PAX2: variants seen among roughly 807,000 people sequenced by gnomAD.
The protein encoded by PAX2 is paired box protein Pax-2.
In PAX2, 9 loss-of-function variants were observed where a neutral mutation model predicts 41.7. The ratio of observed to expected loss-of-function variants is 0.22; its 90% CI spans 0.13 to 0.38. PAX2 has a LOEUF of 0.38. Among genes scored for constraint, PAX2 ranks in the 10% least tolerant of loss-of-function variants. The pLI, the probability that PAX2 is intolerant of heterozygous loss-of-function variation, is 1.00. For synonymous variants in PAX2, 221 were observed against 212.7 expected (o/e 1.04, Z -0.34); for missense variants, 418 against 531.6 (o/e 0.79, Z 2.10).
Position 100,824,661 on chromosome 10 carries a change from G to C in PAX2, c.933G>C (p.Ala311=), listed in dbSNP as rs755809967. ...GTGTTTTTCCAGGTCGTGACATGGC[G>C]AGCACCACTCTGCCTGGTTACCCCC... ...TYPVVTGRDM[A]STTLPGYPPH... is the part of the protein sequence containing the mutation. Residue 311 remains alanine, a synonymous_variant, in exon 8 of 10, where the codon GCG becomes GCC. Transcript: ENST00000355243. This position sits in a 1 kb window ranked among gnomAD's most constrained non-coding sequence, Gnocchi z 6.6. 2 of 1,608,700 alleles carry C rather than the reference G, an allele frequency of 1.2e-6. No homozygotes were observed. Among genetic ancestry groups the C allele is most frequent in the Non-Finnish European group, 8.5e-7 (1 of 1,175,122 alleles).
At chr10:100,737,556 G>A (rs1047535636) in intron 1 of PAX2, among the ~76,000 whole-genome samples, 23 of 152,264 alleles carry the variant, frequency 1.5e-4, no homozygotes, top group Non-Finnish European at 2.2e-4. Flanking sequence ...GGGAGCTGCG[G>A]AGCTGGGCAG....
At position 100,793,842 on chromosome 10, in the gene PAX2, G is replaced by C. The variant is rs78822498; in HGVS notation, c.616+12477G>C. Among the ~76,000 whole-genome samples, 953 of 152,292 alleles carry C rather than the reference G, an allele frequency of 6.3e-3. 11 individuals carry two copies. The highest frequency in any genetic ancestry group is 0.022 in the African/African-American group (913 of 41,552). On this transcript the variant is annotated intron_variant, in intron 5 of 9. Transcript: ENST00000355243. ...GTGGGCCCAGGTGCCCAGTGTGTTG[G>C]GAGGTATGAGAGGAGCAGAGAACCG...
At chr10:100,778,636 C>T (rs889245495) in intron 3 of PAX2, among the ~76,000 whole-genome samples, 12 of 152,154 alleles carry the variant, frequency 7.9e-5, no homozygotes, top group Admixed American at 2.0e-4. Context: ...AGCATTCCTC[C>T]GTCTTGGCCC....
intron 3 of PAX2, among the ~76,000 whole-genome samples, chr10:100,759,293 T>C (rs79946465): frequency 0.011 from 1,670 of 152,172 alleles, 35 homozygotes; most frequent in African/African-American, 0.038. Context: ...GAGAAGAGTA[T>C]GGAGCGAAGG....
At position 100,827,602 on chromosome 10, in the gene PAX2, G is replaced by A; in HGVS notation, c.1168G>A (p.Ala390Thr). 1.2e-6 allele frequency: 2 copies of A among 1,613,738 alleles called. No individual in the cohort carries two copies. The highest frequency in any genetic ancestry group is 1.7e-6 in the Non-Finnish European group (2 of 1,179,800). The change falls in exon 10 of 10, where the codon GCC becomes ACC. Residue 390 changes from alanine to threonine, a missense_variant. This residue lies in a region of PAX2 where 310 missense variants were observed against 325.2 expected (regional missense o/e 0.95). Coordinates refer to ENST00000355243, the MANE Select transcript of PAX2 (RefSeq NM_000278.5). The surrounding 1 kb of genome is among the most constrained non-coding windows in gnomAD (Gnocchi z 8.5). ...RGSAPAAAAA[A>T]YDRH ...CTCCGCCCCTGCCGCTGCTGCCGCTGCCTATGACCGCCACTAGTTACCGCG... is the reference window on the plus strand; with the variant it reads ...CTCCGCCCCTGCCGCTGCTGCCGCTACCTATGACCGCCACTAGTTACCGCG...
chr10:100,799,113 A>G (rs1278346643), intron 5 of PAX2, among the ~76,000 whole-genome samples: 1 of 152,240 alleles, frequency 6.6e-6, no homozygotes, highest in Non-Finnish European at 1.5e-5. Flanking sequence ...AGCTAGGCAG[A>G]GAGAGCACCT....
chr10:100,790,574 G>A (rs942661053), intron 5 of PAX2, among the ~76,000 whole-genome samples: 1 of 152,180 alleles, frequency 6.6e-6, no homozygotes, highest in Non-Finnish European at 1.5e-5. Flanking sequence ...AGCTATCCCC[G>A]GGCCCTGCTA....
At chr10:100,803,427 C>T (rs983893126) in intron 5 of PAX2, among the ~76,000 whole-genome samples, 1 of 151,976 alleles carries the variant, frequency 6.6e-6, no homozygotes, top group Non-Finnish European at 1.5e-5. Flanking sequence ...TCCCTTCCTT[C>T]CCTAGCTGAT....
rs1456741077 is a variant in PAX2, at chr10:100,779,567, C to T, written c.480C>T (p.Ala160=). ...TPDGAGTGVT[A]PGHTIVPSTA... is the part of the protein sequence containing the mutation. The stretch of plus-strand genomic sequence containing the variant: ...ATGGGGCTGGGACAGGAGTGACCGC[C>T]CCTGGCCACACCATTGGTAAGAGGG... The change falls in exon 4 of 10, where the codon GCC becomes GCT. Residue 160 remains alanine, a synonymous_variant. Transcript: ENST00000355243. 1.9e-6 allele frequency: 3 copies of T among 1,589,660 alleles called. No individual in the cohort carries two copies. The highest frequency in any genetic ancestry group is 1.2e-5 in the South Asian group (1 of 86,664).
chr10:100,819,402 C>T (rs1453131550), intron 7 of PAX2, among the ~76,000 whole-genome samples: 1 of 151,972 alleles, frequency 6.6e-6, no homozygotes, highest in Non-Finnish European at 1.5e-5. Context: ...AACCCCGTCT[C>T]TACTAAAAAA....
At position 100,828,556 on chromosome 10, in the gene PAX2, C is replaced by T; in HGVS notation, c.*937C>T. 1 of 233,388 alleles carries T rather than the reference C, an allele frequency of 4.3e-6. No individual in the cohort carries two copies. 14.5% of individuals were successfully genotyped at this position (233,388 alleles called of 1,614,324 possible). On this transcript the variant is annotated 3_prime_UTR_variant, in exon 10 of 10. Transcript: ENST00000355243. This position sits in a 1 kb window ranked among gnomAD's most constrained non-coding sequence, Gnocchi z 6.5. ...GACTCGCAGCCCCATCGGACGCTCT[C>T]CCGGGACCGCCGCAGGACCAGTTTC...
chr10:100,739,273 G>A (rs1486131257), intron 1 of PAX2, among the ~76,000 whole-genome samples: 2 of 152,166 alleles, frequency 1.3e-5, no homozygotes, highest in Non-Finnish European at 2.9e-5. Flanking sequence ...CCTGCGTTCG[G>A]GTCCTTTGTC....
chr10:100,751,953 C>G (rs577346448), intron 3 of PAX2, among the ~76,000 whole-genome samples: 2 of 152,320 alleles, frequency 1.3e-5, no homozygotes, highest in East Asian at 3.9e-4. Context: ...TTCATAAGCT[C>G]ATTATCAGGG....
chr10:100,761,020 C>T (rs1845822041), intron 3 of PAX2, among the ~76,000 whole-genome samples: 1 of 152,072 alleles, frequency 6.6e-6, no homozygotes, highest in African/African-American at 2.4e-5. Flanking sequence ...TTGCAATGGT[C>T]CTGGAAGGGA....
At chr10:100,746,656 G>T (rs980343811) in intron 1 of PAX2, among the ~76,000 whole-genome samples, 1 of 152,196 alleles carries the variant, frequency 6.6e-6, no homozygotes, top group African/African-American at 2.4e-5. Flanking sequence ...GCCCTGGGCT[G>T]GGGGGCAAAT....
intron 5 of PAX2, among the ~76,000 whole-genome samples, chr10:100,800,825 T>G (rs1004251741): frequency 6.6e-6 from 1 of 152,164 alleles, no homozygotes; most frequent in African/African-American, 2.4e-5. Flanking sequence ...CAGGGCTGAA[T>G]GAATGAGGAG....
intron 5 of PAX2, among the ~76,000 whole-genome samples, chr10:100,800,954 T>G (rs1847541409): frequency 6.6e-6 from 1 of 152,230 alleles, no homozygotes; most frequent in South Asian, 2.1e-4. Context: ...AAATAAAAAT[T>G]GCTTGTGATT....
At chr10:100,756,839 G>A (rs1045156845) in intron 3 of PAX2, among the ~76,000 whole-genome samples, 1 of 152,100 alleles carries the variant, frequency 6.6e-6, no homozygotes, top group Non-Finnish European at 1.5e-5. Context: ...TCAGATTCTT[G>A]CAGGGGAAGC....
intron 5 of PAX2, among the ~76,000 whole-genome samples, chr10:100,799,789 C>CTTTTTTTTTTT (rs56012188): frequency 1.1e-5 from 1 of 89,896 alleles, no homozygotes; most frequent in Non-Finnish European, 2.2e-5. Flanking sequence ...TAGTGTAATT[C>CTTTTTTTTTTT]TTTTTTTTTT....
Sources: gnomAD v4.1 joint callset for allele counts (sites outside exome capture counted in the v4.1 genomes callset) on GRCh38, gnomAD v4.1.1 for gene constraint, gnomAD v4.1.1 regional missense constraint, Gnocchi (gnomAD v3.1) non-coding constraint, MANE v1.5 for transcripts, NCBI Gene and HGNC (gene_info 2026-07-23, HGNC 2026-07-21) for gene names.